The following COL12A1 variants were observed in gnomAD, a reference collection of about 807,000 sequenced individuals.
COL12A1 encodes collagen type XII alpha 1 chain, also known as collagen alpha-1(XII) chain.
COL12A1 carries 114 observed loss-of-function variants against 349.7 expected under a neutral mutation model. The observed-to-expected ratio is 0.33, with a 90% CI of 0.28 to 0.38. The LOEUF is 0.38. Among genes scored for constraint, COL12A1 ranks in the 10% least tolerant of loss-of-function variants. The pLI is 1.00. For synonymous variants in COL12A1, 1,369 were observed against 1,329.0 expected, an observed-to-expected ratio of 1.03 and a Z score of -0.66; for missense variants, 3,284 against 3,756.9, an observed-to-expected ratio of 0.87 and a Z score of 3.29.
intron 52 of COL12A1, among the ~76,000 whole-genome samples, chr6:75,107,428 G>A (rs920570884): frequency 4.6e-5 from 7 of 151,746 alleles, no homozygotes; most frequent in Non-Finnish European, 7.4e-5. Context: ...CCACTACCAC[G>A]CCCAGCTAAT....
In COL12A1 at chr6:75,175,247, C is replaced by A; in HGVS notation, c.2501G>T (p.Trp834Leu). The part of the protein sequence containing the change: ...DPTTSTMKLS[W>L]SGAPGKVKQY... ...TTTCACTTTTCCTGGTGCCCCACTCCAAGATAATTTCATAGTAGACGTCGT... is the reference window on the plus strand; with the variant it reads ...TTTCACTTTTCCTGGTGCCCCACTCAAAGATAATTTCATAGTAGACGTCGT... Residue 834 changes from tryptophan to leucine, a missense_variant, in exon 13 of 66, where the codon TGG becomes TTG. By Grantham distance (61) the Trp-to-Leu change is moderately conservative. This residue lies in a region of COL12A1 where 2,601 missense variants were observed against 2,824.8 expected (regional missense o/e 0.92). Coordinates refer to ENST00000322507, the MANE Select transcript of COL12A1 (RefSeq NM_004370.6). 1.2e-6 allele frequency: 2 copies of A among 1,614,196 alleles called. No individual in the cohort carries two copies. The highest frequency in any genetic ancestry group is 1.7e-6 in the Non-Finnish European group (2 of 1,180,038).
At chr6:75,178,326 A>G (rs1470089490) in intron 11 of COL12A1, among the ~76,000 whole-genome samples, 3 of 152,190 alleles carry the variant, frequency 2.0e-5, no homozygotes, top group African/African-American at 7.2e-5. Context: ...TTTTCTCACG[A>G]AACTAGGAAA....
chr6:75,197,308 CT>C (rs1388994439), intron 2 of COL12A1, among the ~76,000 whole-genome samples: 22 of 26,056 alleles, frequency 8.4e-4, no homozygotes, highest in African/African-American at 1.4e-3. Flanking sequence ...ATTTTCTTTT[CT>C]TTTCTTTTTT....
In COL12A1 at chr6:75,145,338, G is replaced by A. The variant is rs370360673; in HGVS notation, c.4678C>T (p.Arg1560Trp). 29 of 1,608,986 alleles carry A rather than the reference G, an allele frequency of 1.8e-5. No individual in the cohort carries two copies. In the Middle Eastern group the frequency reaches 6.6e-4, roughly 37 times the overall value. Reference sequence around the variant, plus strand: ...AGCAGTAGCTTACAGGTGACTTCCCGAACAGTGACAGGTTCACTAGTGAGG... The same window carrying A: ...AGCAGTAGCTTACAGGTGACTTCCCAAACAGTGACAGGTTCACTAGTGAGG... ...HDLTSEPVTVREVTLPLPRPQ... is the reference protein window; with the variant it reads ...HDLTSEPVTVWEVTLPLPRPQ... The change falls in exon 25 of 66, where the codon CGG becomes TGG. Residue 1560 changes from arginine (R) to tryptophan (W), a missense_variant. Coordinates refer to ENST00000322507, the MANE Select transcript of COL12A1 (RefSeq NM_004370.6).
At position 75,177,801 on chromosome 6, in the gene COL12A1, C is replaced by T. The variant is rs1769042823; in HGVS notation, c.2299G>A (p.Glu767Lys). The change falls in exon 12 of 66, where the codon GAA becomes AAA. Residue 767 changes from glutamate (E) to lysine (K), a missense_variant. By Grantham distance (56) the Glu-to-Lys change is moderately conservative (BLOSUM62 1). This residue lies in a region of COL12A1 where 2,601 missense variants were observed against 2,824.8 expected (regional missense o/e 0.92). Coordinates refer to ENST00000322507, the MANE Select transcript of COL12A1 (RefSeq NM_004370.6). ...YRPVAGGESR[E>K]VTTPPNQRRR... ...CTCTGATTGGGTGGGGTGGTAACTT[C>T]TCTGCTCTCTCCACCAGCAACTGGT... The T allele has an allele frequency of 6.2e-7, 1 of 1,614,116 alleles. No individual in the cohort carries two copies. Among genetic ancestry groups the T allele is most frequent in the Non-Finnish European group, 8.5e-7 (1 of 1,180,020 alleles).
At chr6:75,138,183 T>C (rs775609963) in intron 30 of COL12A1, 137 bp downstream of exon 30, 2 of 926,208 alleles carry the variant, frequency 2.2e-6, no homozygotes, top group Non-Finnish European at 3.2e-6. Context: ...AAGAAAAGCC[T>C]ATGTAAAAGA....
intron 14 of COL12A1, among the ~76,000 whole-genome samples, chr6:75,164,717 G>A (rs752453395): frequency 6.6e-6 from 1 of 152,088 alleles, no homozygotes; most frequent in Non-Finnish European, 1.5e-5. Context: ...TGTTACAACT[G>A]CTGAACCTAC....
intron 25 of COL12A1, among the ~76,000 whole-genome samples, chr6:75,145,078 C>G (rs1027527294): frequency 1.3e-5 from 2 of 152,098 alleles, no homozygotes; most frequent in South Asian, 2.1e-4. Flanking sequence ...TAGTAAGACA[C>G]CATTGATTGT....
chr6:75,152,100 G>C, intron 19 of COL12A1, 31 bp downstream of exon 19: 1 of 1,613,734 alleles, frequency 6.2e-7, no homozygotes, highest in Non-Finnish European at 8.5e-7. Context: ...AGAAGCATGA[G>C]CTGAAAGACT....
At chr6:75,142,772 A>G (rs240724) in intron 26 of COL12A1, among the ~76,000 whole-genome samples, 42,193 of 151,914 alleles carry the variant, frequency 0.28, 5,817 homozygotes, top group Middle Eastern at 0.31. Flanking sequence ...GTCATCACGG[A>G]ACTCCCAAAA....
rs374979813 is a variant in COL12A1 at position 75,105,235 on chromosome 6, C to T, written c.8236G>A (p.Val2746Ile). ...GGGCCTGGAGGTCCTGGAGGTCCAA[C>T]GCTGTCCTGTGTACATGTGCAAGAA... ...PNSCTCTQDS[V>I]GPPGPPGPAG... Residue 2746 changes from valine (V) to isoleucine (I), a missense_variant, in exon 54 of 66, where the codon GTT becomes ATT. By Grantham distance (29) the Val-to-Ile change is conservative. Around this residue, in one of 2 missense-constraint regions of COL12A1, gnomAD observed 683 missense variants for 932.1 expected, o/e 0.73. Transcript: ENST00000322507. 6 of 1,613,694 alleles carry T rather than the reference C, an allele frequency of 3.7e-6. No individual in the cohort carries two copies. The highest frequency in any genetic ancestry group is 2.2e-5 in the South Asian group (2 of 91,062).
At position 75,134,134 on chromosome 6, in the gene COL12A1, G is replaced by A. The variant is rs1018739092; in HGVS notation, c.5525-137C>T. On this transcript the variant is annotated intron_variant, in intron 32 of 65. Coordinates refer to ENST00000322507, the MANE Select transcript of COL12A1 (RefSeq NM_004370.6). ...ACATTTGTTGAAGTAGTGAATAAAC[G>A]ACACACACTGTGTCCGCGTCAGCCT... is the stretch of plus-strand genomic sequence containing the variant. 68 of 885,078 alleles carry A rather than the reference G, an allele frequency of 7.7e-5. 1 individual carries two copies. In the South Asian group the frequency reaches 1.0e-3, roughly 13 times the overall value. The allele number at this position is 885,078 out of a possible 1,614,324, so 54.8% of individuals were successfully genotyped here.
Position 75,183,836 on chromosome 6 carries a change from A to T in COL12A1, c.1288+18T>A. ...ATCTTCACATATTCCAAATACAATG[A>T]TGCACACATTGACTTACCCACTTGA... On this transcript the variant is annotated intron_variant, in intron 9 of 65. Coordinates refer to ENST00000322507, the MANE Select transcript of COL12A1 (RefSeq NM_004370.6). The T allele has an allele frequency of 1.2e-6, 2 of 1,612,542 alleles. No homozygotes were observed. The highest frequency in any genetic ancestry group is 8.5e-7 in the Non-Finnish European group (1 of 1,178,822).
intron 2 of COL12A1, among the ~76,000 whole-genome samples, chr6:75,199,837 T>C (rs1307355657): frequency 3.3e-5 from 5 of 151,852 alleles, no homozygotes; most frequent in Non-Finnish European, 7.4e-5. Context: ...CTAATACAAA[T>C]AAGCAGAAGA....
At chr6:75,097,609 C>T (rs1768114774) in intron 58 of COL12A1, among the ~76,000 whole-genome samples, 2 of 151,990 alleles carry the variant, frequency 1.3e-5, no homozygotes, top group South Asian at 4.2e-4. Flanking sequence ...AGGCAGATTC[C>T]CTTCATGAAG....
intron 46 of COL12A1, among the ~76,000 whole-genome samples, chr6:75,118,591 T>C (rs533253643): frequency 1.1e-4 from 16 of 152,224 alleles, no homozygotes; most frequent in Non-Finnish European, 1.8e-4. Context: ...ATCCCACAGA[T>C]GACTCCCTAA....
At chr6:75,113,029 T>C (rs1768911002) in intron 51 of COL12A1, 175 bp downstream of exon 51, 1 of 395,772 alleles carries the variant, frequency 2.5e-6, no homozygotes, top group South Asian at 5.0e-5. Flanking sequence ...ATCTCTTGAT[T>C]AGTATATTGT....
rs921764930 is a variant in COL12A1 at position 75,085,349 on chromosome 6, C to T, written c.*1198G>A. 1.7e-5 allele frequency: 8 copies of T among 470,960 alleles called. No homozygotes were observed. Among genetic ancestry groups the T allele is most frequent in the Admixed American group, 1.4e-4 (6 of 42,568 alleles). 29.2% of individuals were successfully genotyped at this position (470,960 alleles called of 1,614,324 possible). A position where few individuals can be genotyped will look rare whatever the true frequency, so the allele number is the denominator to read the frequency against. ...CGCGCTCAGGCAGGTAGGCCCCGCC[C>T]TCGGGCACGTAAGGCTCTGTCCGAT... On this transcript the variant is annotated 3_prime_UTR_variant, in exon 66 of 66. Coordinates refer to ENST00000322507, the MANE Select transcript of COL12A1 (RefSeq NM_004370.6).
At chr6:75,174,925 T>A in intron 13 of COL12A1, 113 bp downstream of exon 13, 1 of 1,206,228 alleles carries the variant, frequency 8.3e-7, no homozygotes, top group Non-Finnish European at 1.2e-6. Context: ...TGGATTCTTT[T>A]TAAGAGAAAG....
Sources: allele counts gnomAD v4.1 joint callset (sites outside exome capture counted in the v4.1 genomes callset), GRCh38; gene constraint gnomAD v4.1.1; regional missense constraint gnomAD v4.1.1; transcripts MANE v1.5; gene names NCBI Gene and HGNC (gene_info 2026-07-23, HGNC 2026-07-21).